Variants in FUNDC2 observed in about 807,000 individuals in gnomAD.
The protein encoded by FUNDC2 is FUN14 domain containing 2, also known as FUN14 domain-containing protein 2.
Under a neutral mutation model 15.6 loss-of-function variants are expected in FUNDC2, and 4 were observed. The ratio of observed to expected loss-of-function variants is 0.26; its 90% CI spans 0.13 to 0.59. The LOEUF is 0.59. FUNDC2 is among the 20% of genes least tolerant of loss of function. FUNDC2 has a pLI of 0.90. For synonymous variants in FUNDC2, 44 were observed against 56.9 expected, an observed-to-expected ratio of 0.77 and a Z score of 1.02; for missense variants, 98 against 149.7, an observed-to-expected ratio of 0.65 and a Z score of 1.80.
intron 1 of FUNDC2, among the ~76,000 whole-genome samples, chrX:155,030,831 G>T (rs1215630974): frequency 1.9e-5 from 2 of 107,806 alleles, no homozygotes; most frequent in East Asian, 5.8e-4. Context: ...GATTACAGGC[G>T]CCTGCCACTA....
Position 155,033,524 on chromosome X carries a change from C to T in FUNDC2, c.255C>T (p.Thr85=). ...GPSAEKYSVA[T]QLFIGGVTGW... ...CAGCAGAAAAGTATAGCGTGGCAAC[C>T]CAGCTGTTCATTGGAGGTGTCACTG... is the stretch of plus-strand genomic sequence containing the variant. The change falls in exon 2 of 5, where the codon ACC becomes ACT. Residue 85 remains threonine, a synonymous_variant. Coordinates refer to ENST00000369498, the MANE Select transcript of FUNDC2 (RefSeq NM_023934.4). 8.3e-7 allele frequency: 1 copy of T among 1,210,578 alleles called. No homozygotes were observed. The highest frequency in any genetic ancestry group is 1.1e-6 in the Non-Finnish European group (1 of 894,569).
At chrX:155,046,355 C>T (rs1178614491) in intron 2 of FUNDC2, among the ~76,000 whole-genome samples, 154 bp from the exon 3 acceptor site, 1 of 111,968 alleles carries the variant, frequency 8.9e-6, no homozygotes, top group African/African-American at 3.3e-5. Flanking sequence ...ATTTGATTTC[C>T]TTATGTCATG....
At chrX:155,036,382 C>T (rs782557234) in intron 2 of FUNDC2, among the ~76,000 whole-genome samples, 7 of 112,130 alleles carry the variant, frequency 6.2e-5, no homozygotes, top group Non-Finnish European at 9.4e-5. Flanking sequence ...ACTGCTGAAT[C>T]GTGAGAGTTC....
rs1416954284 is a variant in FUNDC2 at position 155,057,956 on chromosome X, T to G, written c.*3284T>G. The G allele has an allele frequency of 2.7e-5, 3 of 111,678 alleles. No individual in the cohort carries two copies. Among genetic ancestry groups the G allele is most frequent in the African/African-American group, 9.8e-5 (3 of 30,646 alleles). The allele number at this position is 111,678 out of a possible 1,213,427, so 9.2% of individuals were successfully genotyped here. ...GTATCCTCATTGCTGACACGGGAGC[T>G]GGGTGCGGGGAGAGATGTGGTGGTG... On this transcript the variant is annotated 3_prime_UTR_variant, in exon 5 of 5. Coordinates refer to ENST00000369498, the MANE Select transcript of FUNDC2 (RefSeq NM_023934.4).
intron 2 of FUNDC2, among the ~76,000 whole-genome samples, chrX:155,035,548 G>A (rs782333525): frequency 3.7e-4 from 41 of 111,462 alleles, no homozygotes; most frequent in Non-Finnish European, 7.2e-4. Flanking sequence ...GTAATTCCAC[G>A]CTCTTTCCTT....
Position 155,055,359 on chromosome X carries a change from A to C in FUNDC2, c.*687A>C. Reference sequence around the variant, plus strand: ...AGATTTTGGATTTTTATTTTGTAGAAAAGGTTTTAAGCTTTGAAATGTGAA... The same window carrying C: ...AGATTTTGGATTTTTATTTTGTAGACAAGGTTTTAAGCTTTGAAATGTGAA... On this transcript the variant is annotated 3_prime_UTR_variant, in exon 5 of 5. Transcript: ENST00000369498. The C allele has an allele frequency of 3.4e-6, 1 of 297,009 alleles. No homozygotes were observed. Among genetic ancestry groups the C allele is most frequent in the Non-Finnish European group, 5.9e-6 (1 of 170,163 alleles). 24.5% of individuals were successfully genotyped at this position (297,009 alleles called of 1,213,427 possible).
In FUNDC2 at chrX:155,060,041, TTATTTA is replaced by T. The variant is rs2073921344; in HGVS notation, c.*5372_*5377del. ...GAACTGTGAGCCAACTAAACCTCTT[TTATTTA>T]TAAATTACCGAGTCTCAGGCACTTT... On this transcript the variant is annotated 3_prime_UTR_variant, in exon 5 of 5. Coordinates refer to ENST00000369498, the MANE Select transcript of FUNDC2 (RefSeq NM_023934.4). The T allele has an allele frequency of 8.9e-6, 1 of 112,290 alleles. No individual in the cohort carries two copies. The highest frequency in any genetic ancestry group is 3.2e-5 in the African/African-American group (1 of 30,862). 9.3% of individuals were successfully genotyped at this position (112,290 alleles called of 1,213,427 possible).
intron 2 of FUNDC2, among the ~76,000 whole-genome samples, chrX:155,041,870 C>T (rs2073847055): frequency 9.2e-6 from 1 of 108,473 alleles, no homozygotes; most frequent in Admixed American, 9.8e-5. Flanking sequence ...AGATCGAGAC[C>T]ATCCTGACTA....
At position 155,047,295 on chromosome X, in the gene FUNDC2, T is replaced by G. The variant is rs182429567; in HGVS notation, c.360+711T>G. 24 of 340,779 alleles carry G rather than the reference T, an allele frequency of 7.0e-5. No individual in the cohort carries two copies. The East Asian group carries it at 2.3e-3, about 33-fold the overall frequency. The allele number at this position is 340,779 out of a possible 1,213,427, so 28.1% of individuals were successfully genotyped here. On this transcript the variant is annotated intron_variant, in intron 3 of 4. Transcript: ENST00000369498. Reference sequence around the variant, plus strand: ...CTTAAAACTCCTGAGGTGATTCTGCTGTGCTGTGGGAGCCATAACTTGCTG... The same window carrying G: ...CTTAAAACTCCTGAGGTGATTCTGCGGTGCTGTGGGAGCCATAACTTGCTG...
Position 155,051,679 on chromosome X carries a change from C to A in FUNDC2, c.370C>A (p.His124Asn), listed in dbSNP as rs1557290499. ...GGFFLLQLAN[H>N]TGYIKVDWQR... The stretch of plus-strand genomic sequence containing the variant: ...ATTGTTGATACTGTAGCTTGCAAAC[C>A]ATACTGGGTACATCAAAGTTGACTG... Residue 124 changes from histidine to asparagine, a missense_variant, in exon 4 of 5, where the codon CAT (histidine) becomes AAT (asparagine). His to Asn is a moderately conservative substitution (Grantham distance 68). Coordinates refer to ENST00000369498, the MANE Select transcript of FUNDC2 (RefSeq NM_023934.4). 1 of 1,209,891 alleles carries A rather than the reference C, an allele frequency of 8.3e-7. No individual in the cohort carries two copies. Among genetic ancestry groups the A allele is most frequent in the Admixed American group, 2.2e-5 (1 of 46,001 alleles).
chrX:155,054,351 C>T, intron 4 of FUNDC2: 5 of 751,049 alleles, frequency 6.7e-6, no homozygotes, highest in Non-Finnish European at 7.9e-6. Flanking sequence ...ATCCTCCTTC[C>T]CATCAGGCTC....
chrX:155,056,349 A>G lies in FUNDC2; in HGVS notation c.*1677A>G, dbSNP rs1557290923. ...GGTAAGAATTATTTCTAAAAATCAT[A>G]AATACCTCATCATATCAGACATTAA... On this transcript the variant is annotated 3_prime_UTR_variant, in exon 5 of 5. Transcript: ENST00000369498. The G allele has an allele frequency of 9.0e-6, 1 of 111,675 alleles. No homozygotes were observed. Among genetic ancestry groups the G allele is most frequent in the East Asian group, 2.8e-4 (1 of 3,600 alleles). The allele number at this position is 111,675 out of a possible 1,213,427, so 9.2% of individuals were successfully genotyped here. A position where few individuals can be genotyped will look rare whatever the true frequency, so the allele number is the denominator to read the frequency against.
intron 1 of FUNDC2, among the ~76,000 whole-genome samples, chrX:155,027,750 T>C (rs2073799400): frequency 8.9e-6 from 1 of 112,259 alleles, no homozygotes; most frequent in African/African-American, 3.2e-5. Context: ...TTATTTACCA[T>C]GTTTTATTGT....
chrX:155,027,218 C>T, intron 1 of FUNDC2, 147 bp downstream of exon 1: 1 of 624,986 alleles, frequency 1.6e-6, no homozygotes, highest in Non-Finnish European at 2.2e-6. Flanking sequence ...CGGGGATCGC[C>T]CCTGGCTCAG....
intron 4 of FUNDC2, among the ~76,000 whole-genome samples, chrX:155,052,888 A>C (rs1332344695): frequency 8.9e-6 from 1 of 112,787 alleles, no homozygotes; most frequent in African/African-American, 3.2e-5. Context: ...TGAGTAAAAA[A>C]AAATTTTGTA....
intron 2 of FUNDC2, among the ~76,000 whole-genome samples, chrX:155,039,469 G>A (rs1223855933): frequency 8.9e-6 from 1 of 112,102 alleles, no homozygotes; most frequent in Non-Finnish European, 1.9e-5. Context: ...TCTTCTAACA[G>A]TTTTACAGTT....
In FUNDC2 at chrX:155,056,103, C is replaced by G. The variant is rs186578352; in HGVS notation, c.*1431C>G. ...CTCAAAACCATAATGGTATGAGCCT[C>G]TTTGCTGCATATTTTGCTATAAGAA... On this transcript the variant is annotated 3_prime_UTR_variant, in exon 5 of 5. Transcript: ENST00000369498. 3.0e-4 allele frequency: 34 copies of G among 111,680 alleles called. No homozygotes were observed. The highest frequency in any genetic ancestry group is 2.7e-3 in the Admixed American group (29 of 10,575). The allele number at this position is 111,680 out of a possible 1,213,427, so 9.2% of individuals were successfully genotyped here.
chrX:155,047,460 C>G (rs1456565164), intron 3 of FUNDC2: 6 of 339,284 alleles, frequency 1.8e-5, no homozygotes, highest in South Asian at 5.2e-5. Context: ...TCAAATGTAT[C>G]GAAGAGGGAA....
At chrX:155,049,977 T>C (rs1053314328) in intron 3 of FUNDC2, 10 of 112,212 alleles carry the variant, frequency 8.9e-5, no homozygotes, top group Non-Finnish European at 1.1e-4. Flanking sequence ...GGAGTTTTTG[T>C]TTTTTGTTGA....
Sources: allele counts gnomAD v4.1 joint callset (sites outside exome capture counted in the v4.1 genomes callset), GRCh38; gene constraint gnomAD v4.1.1; transcripts MANE v1.5; gene names NCBI Gene and HGNC (gene_info 2026-07-23, HGNC 2026-07-21).